FHIT: variants seen among roughly 807,000 people sequenced by gnomAD.
FHIT encodes the protein bis(5'-adenosyl)-triphosphatase.
FHIT carries 19 observed loss-of-function variants against 17.9 expected under a neutral mutation model. That is an observed-to-expected ratio of 1.06 (90% CI 0.74 to 1.56). The LOEUF (loss-of-function observed/expected upper bound fraction) is 1.56, where lower values mean the gene tolerates loss of function less well. Ranked by LOEUF, FHIT falls within the 40% of genes most tolerant of loss-of-function variation. FHIT has a pLI of 0.00. For missense variants in FHIT, 248 were observed against 189.2 expected (o/e 1.31, Z -1.82); for synonymous variants, 81 against 69.7 (o/e 1.16, Z -0.81).
chr3:59,928,925 G>A (rs989418467), intron 7 of FHIT, among the ~76,000 whole-genome samples: 7 of 149,354 alleles, frequency 4.7e-5, no homozygotes, highest in African/African-American at 1.7e-4. Context: ...AACCTGGGAG[G>A]TGGAAGTTGC....
intron 2 of FHIT, among the ~76,000 whole-genome samples, chr3:61,064,219 T>C (rs568334001): frequency 7.8e-6 from 1 of 128,962 alleles, no homozygotes; most frequent in Admixed American, 7.7e-5. Flanking sequence ...AGATTTTCTT[T>C]CCTGAAATGG....
At chr3:60,164,984 A>C (rs1420139578) in intron 5 of FHIT, among the ~76,000 whole-genome samples, 1 of 152,182 alleles carries the variant, frequency 6.6e-6, no homozygotes, top group Non-Finnish European at 1.5e-5. Context: ...TCACAACGCA[A>C]AAACAAGTTT....
intron 8 of FHIT, among the ~76,000 whole-genome samples, chr3:59,813,931 C>A (rs937002359): frequency 2.0e-5 from 3 of 152,014 alleles, no homozygotes; most frequent in Non-Finnish European, 4.4e-5. Flanking sequence ...CTAGGAGATG[C>A]CAAATCAGTG....
chr3:60,292,913 C>A (rs1708051910), intron 5 of FHIT, among the ~76,000 whole-genome samples: 1 of 152,048 alleles, frequency 6.6e-6, no homozygotes, highest in Non-Finnish European at 1.5e-5. Context: ...AACTAGAAAT[C>A]TGCTGAAGTA....
At position 60,685,901 on chromosome 3, in the gene FHIT, C is replaced by G. The variant is rs575890008; in HGVS notation, c.-18+136018G>C. Among the ~76,000 whole-genome samples, 351 of 152,206 alleles carry G rather than the reference C, an allele frequency of 2.3e-3. 3 individuals are homozygous for G. The highest frequency in any genetic ancestry group is 8.2e-3 in the African/African-American group (340 of 41,538). Reference sequence around the variant, plus strand: ...GGAAAAAATTGATTTTTATATTTATCTTACTATTTATGATTTCTTTATTTT... The same window carrying G: ...GGAAAAAATTGATTTTTATATTTATGTTACTATTTATGATTTCTTTATTTT... On this transcript the variant is annotated intron_variant, in intron 4 of 9. Transcript: ENST00000492590.
At chr3:60,912,025 T>A (rs1036580990) in intron 3 of FHIT, among the ~76,000 whole-genome samples, 5 of 146,718 alleles carry the variant, frequency 3.4e-5, no homozygotes, top group Non-Finnish European at 7.5e-5. Context: ...TAAAGGTGTT[T>A]CCGCCTCTGC....
intron 4 of FHIT, among the ~76,000 whole-genome samples, chr3:60,698,807 C>T (rs2041172858): frequency 6.6e-6 from 1 of 152,030 alleles, no homozygotes; most frequent in African/African-American, 2.4e-5. Context: ...TTTGGACAAA[C>T]TTTCATGTAT....
intron 3 of FHIT, among the ~76,000 whole-genome samples, chr3:60,965,702 C>T (rs1408421494): frequency 6.6e-6 from 1 of 152,170 alleles, no homozygotes; most frequent in African/African-American, 2.4e-5. Flanking sequence ...GCTGGAGGTC[C>T]ACTCCAGACC....
intron 3 of FHIT, among the ~76,000 whole-genome samples, chr3:61,016,955 C>T (rs751483459): frequency 8.5e-5 from 13 of 152,164 alleles, no homozygotes; most frequent in Non-Finnish European, 4.4e-5. Context: ...ATCACAAAAA[C>T]AACCCTAATG....
chr3:60,417,713 C>G (rs1702301619), intron 5 of FHIT, among the ~76,000 whole-genome samples: 1 of 152,158 alleles, frequency 6.6e-6, no homozygotes, highest in South Asian at 2.1e-4. Flanking sequence ...CAGCATTAGC[C>G]TGACTAACCA....
chr3:59,767,365 G>A (rs1701853211), intron 8 of FHIT, among the ~76,000 whole-genome samples: 1 of 152,156 alleles, frequency 6.6e-6, no homozygotes, highest in Non-Finnish European at 1.5e-5. Flanking sequence ...CAGGTGGGGT[G>A]GTGGACACCT....
chr3:59,982,571 T>A (rs745506774), intron 7 of FHIT, among the ~76,000 whole-genome samples: 1 of 152,190 alleles, frequency 6.6e-6, no homozygotes, highest in Non-Finnish European at 1.5e-5. Context: ...TTGGGAATAT[T>A]TCACAATGAA....
chr3:60,157,332 G>A (rs563796789), intron 5 of FHIT, among the ~76,000 whole-genome samples: 18 of 152,284 alleles, frequency 1.2e-4, no homozygotes, highest in African/African-American at 2.2e-4. Context: ...CTACCGCAAC[G>A]TGGAAAAGTC....
chr3:60,061,396 T>C (rs1271463117), intron 5 of FHIT, among the ~76,000 whole-genome samples: 1 of 152,238 alleles, frequency 6.6e-6, no homozygotes, highest in African/African-American at 2.4e-5. Flanking sequence ...TGCGTCTTAC[T>C]GCTGAAGAGT....
At chr3:59,762,559 C>A (rs1701575769) in intron 8 of FHIT, among the ~76,000 whole-genome samples, 1 of 152,066 alleles carries the variant, frequency 6.6e-6, no homozygotes, top group Non-Finnish European at 1.5e-5. Context: ...ATGTCTCATC[C>A]AAACAAATTT....
At chr3:60,049,955 T>C (rs1479719085) in intron 5 of FHIT, among the ~76,000 whole-genome samples, 2 of 152,210 alleles carry the variant, frequency 1.3e-5, no homozygotes, top group Admixed American at 6.5e-5. Context: ...CTAATACTTA[T>C]TATGATCTTT....
chr3:61,061,052 T>C (rs1020873925), intron 2 of FHIT, among the ~76,000 whole-genome samples: 1 of 152,244 alleles, frequency 6.6e-6, no homozygotes, highest in Admixed American at 6.5e-5. Flanking sequence ...TTCTGCAGAA[T>C]GTTCCAGCCC....
chr3:60,385,005 A>G (rs1261605133), intron 5 of FHIT, among the ~76,000 whole-genome samples: 2 of 152,204 alleles, frequency 1.3e-5, no homozygotes, highest in Non-Finnish European at 1.5e-5. Context: ...CAGAAAAAAT[A>G]TATTATGGCA....
At chr3:60,974,298 A>T (rs1350238935) in intron 3 of FHIT, among the ~76,000 whole-genome samples, 1 of 152,160 alleles carries the variant, frequency 6.6e-6, no homozygotes, top group Non-Finnish European at 1.5e-5. Context: ...TTTAGAATAT[A>T]AATATAAGAA....
Sources: gnomAD v4.1 joint callset for allele counts (sites outside exome capture counted in the v4.1 genomes callset) on GRCh38, gnomAD v4.1.1 for gene constraint, MANE v1.5 for transcripts, NCBI Gene and HGNC (gene_info 2026-07-23, HGNC 2026-07-21) for gene names.